The following KMT5C variants were observed in gnomAD, a reference collection of about 807,000 sequenced individuals.
The protein encoded by KMT5C is lysine methyltransferase 5C.
Under a neutral mutation model 38.2 loss-of-function variants are expected in KMT5C, and 16 were observed. The observed-to-expected ratio is 0.42, with a 90% CI of 0.28 to 0.64. The LOEUF is 0.64. Ranked by LOEUF, KMT5C falls within the 30% of genes least tolerant of loss-of-function variation. The pLI, the probability that KMT5C is intolerant of heterozygous loss-of-function variation, is 0.23. For synonymous variants in KMT5C, 291 were observed against 279.0 expected (o/e 1.04, Z -0.43); for missense variants, 598 against 665.1 (o/e 0.90, Z 1.11).
intron 8 of KMT5C, 79 bp from the exon 9 acceptor site, chr19:55,346,877 C>T: frequency 2.7e-6 from 2 of 737,098 alleles, no homozygotes; most frequent in South Asian, 3.2e-5. Context: ...GCCTCCTTGT[C>T]CAGAGGAGGA....
Position 55,347,866 on chromosome 19 carries a change from G to A in KMT5C, c.*417G>A, listed in dbSNP as rs765196215. On this transcript the variant is annotated 3_prime_UTR_variant, in exon 9 of 9. Transcript: ENST00000255613. This position sits in a 1 kb window ranked among gnomAD's most constrained non-coding sequence, Gnocchi z 4.6. ...GGCACTCCCCAGAGACTGCCCTCACGAGGGGACTGGGTTCGCTCTCAGCTC... is the reference window on the plus strand; with the variant it reads ...GGCACTCCCCAGAGACTGCCCTCACAAGGGGACTGGGTTCGCTCTCAGCTC... 3 of 174,890 alleles carry A rather than the reference G, an allele frequency of 1.7e-5. No individual in the cohort carries two copies. The highest frequency in any genetic ancestry group is 3.6e-5 in the Non-Finnish European group (3 of 83,758). 10.8% of individuals were successfully genotyped at this position (174,890 alleles called of 1,614,324 possible). A position where few individuals can be genotyped will look rare whatever the true frequency, so the allele number is the denominator to read the frequency against.
Position 55,343,937 on chromosome 19 carries a change from T to G in KMT5C, c.551-41T>G. ...GGGTTCTGCGACTGAGCTGCCGAGC[T>G]CATCTACCTCTCTTCTCTCTCCTGC... On this transcript the variant is annotated intron_variant, in intron 5 of 8. Transcript: ENST00000255613. The surrounding 1 kb of genome is among the most constrained non-coding windows in gnomAD (Gnocchi z 5.5). 1 of 1,609,046 alleles carries G rather than the reference T, an allele frequency of 6.2e-7. No homozygotes were observed.
At chr19:55,342,089 C>A (rs1367274071) in intron 2 of KMT5C, 43 bp downstream of exon 2, 2 of 1,576,636 alleles carry the variant, frequency 1.3e-6, no homozygotes, top group Admixed American at 3.3e-5. Flanking sequence ...GGGGTCAGGA[C>A]CCCTCCCCTT....
chr19:55,340,757 G>A (rs544240302), intron 1 of KMT5C, among the ~76,000 whole-genome samples: 5 of 149,510 alleles, frequency 3.3e-5, no homozygotes, highest in Non-Finnish European at 7.4e-5. Context: ...GCCATTCCCC[G>A]CTCTCTGTCC....
At chr19:55,345,197 G>T in intron 6 of KMT5C, 1 of 389,328 alleles carries the variant, frequency 2.6e-6, no homozygotes, top group East Asian at 7.2e-5. Context: ...CGACGGAGGA[G>T]TAGAATTTCC....
At chr19:55,341,055 G>C (rs1011334365) in intron 1 of KMT5C, among the ~76,000 whole-genome samples, 9 of 152,254 alleles carry the variant, frequency 5.9e-5, no homozygotes, top group Non-Finnish European at 2.9e-5. Flanking sequence ...AGCCTCGAGC[G>C]CCGTGGTGCG....
At chr19:55,342,894 G>T (rs751190425) in intron 4 of KMT5C, 43 bp downstream of exon 4, 5 of 1,200,020 alleles carry the variant, frequency 4.2e-6, no homozygotes, top group South Asian at 1.2e-5. Context: ...GGAGGAGACA[G>T]AGCTCAGAGG....
chr19:55,346,127 G>A lies in KMT5C; in HGVS notation c.571-86G>A, dbSNP rs576103501. On this transcript the variant is annotated intron_variant, in intron 6 of 8. Transcript: ENST00000255613. ...GCCCCATTCCAGGAGAGGACGCTCC[G>A]GGCCAGGGTGCCCGGCCAGGTGTGG... 8.4e-5 allele frequency: 130 copies of A among 1,545,138 alleles called. No homozygotes were observed. In the East Asian group the frequency reaches 9.2e-4, roughly 11 times the overall value.
At position 55,347,729 on chromosome 19, in the gene KMT5C, C is replaced by T; in HGVS notation, c.*280C>T. 2 of 462,722 alleles carry T rather than the reference C, an allele frequency of 4.3e-6. No homozygotes were observed. Among genetic ancestry groups the T allele is most frequent in the Non-Finnish European group, 7.5e-6 (2 of 266,952 alleles). 28.7% of individuals were successfully genotyped at this position (462,722 alleles called of 1,614,324 possible). ...CCTCAGGACTGCAGGAGCCATCCGC[C>T]CCCCTCAGCCCCTTCCTCCCCAGGG... On this transcript the variant is annotated 3_prime_UTR_variant, in exon 9 of 9. Coordinates refer to ENST00000255613, the MANE Select transcript of KMT5C (RefSeq NM_032701.4). This position sits in a 1 kb window ranked among gnomAD's most constrained non-coding sequence, Gnocchi z 4.6.
chr19:55,344,742 C>T (rs369979099), intron 6 of KMT5C: 62 of 527,080 alleles, frequency 1.2e-4, no homozygotes, highest in Middle Eastern at 3.2e-4. Flanking sequence ...CAGGAGAGGC[C>T]GCTGGTTGTC....
chr19:55,346,672 C>A lies in KMT5C; in HGVS notation c.880C>A (p.Arg294=). The A allele has an allele frequency of 6.4e-7, 1 of 1,568,170 alleles. No individual in the cohort carries two copies. Among genetic ancestry groups the A allele is most frequent in the East Asian group, 2.3e-5 (1 of 42,878 alleles). The change falls in exon 8 of 9, where the codon CGG becomes AGG. Residue 294 remains arginine, a synonymous_variant. Transcript: ENST00000255613. ...CTGCGTGCACCCATCCCCGCTGCGC[C>A]GGGACCCATTCTGCGGTGAGCACCC... The part of the protein sequence containing the change: ...RACVHPSPLR[R]DPFCAACQPL...
At position 55,347,115 on chromosome 19, in the gene KMT5C, CCCGCGTCTCCCTGCA is replaced by C; in HGVS notation, c.1059_1073del (p.Val354_Arg358del). 2.6e-6 allele frequency: 4 copies of C among 1,549,718 alleles called. No individual in the cohort carries two copies. The highest frequency in any genetic ancestry group is 3.5e-6 in the Non-Finnish European group (4 of 1,154,954). On this transcript the variant is annotated inframe_deletion, in exon 9 of 9. Coordinates refer to ENST00000255613, the MANE Select transcript of KMT5C (RefSeq NM_032701.4). This position sits in a 1 kb window ranked among gnomAD's most constrained non-coding sequence, Gnocchi z 4.6. ...CCAGTGCTCTCCACCCACCACGCTG[CCCGCGTCTCCCTGCA>C]CCGATGGGGAGGCTGTGGCCCCCAC...
rs769188475 is a variant in KMT5C at position 55,343,961 on chromosome 19, G to C, written c.551-17G>C. ...CTCATCTACCTCTCTTCTCTCTCCTGCCCCAACTGGCTCCAGACTGCAAAC... is the reference window on the plus strand; with the variant it reads ...CTCATCTACCTCTCTTCTCTCTCCTCCCCCAACTGGCTCCAGACTGCAAAC... On this transcript the variant is annotated splice_polypyrimidine_tract_variant and intron_variant, in intron 5 of 8. Coordinates refer to ENST00000255613, the MANE Select transcript of KMT5C (RefSeq NM_032701.4). This position sits in a 1 kb window ranked among gnomAD's most constrained non-coding sequence, Gnocchi z 5.5. The C allele has an allele frequency of 6.2e-7, 1 of 1,612,430 alleles. No individual in the cohort carries two copies. Among genetic ancestry groups the C allele is most frequent in the Non-Finnish European group, 8.5e-7 (1 of 1,178,694 alleles).
chr19:55,341,931 G>A lies in KMT5C; in HGVS notation c.-6G>A. On this transcript the variant is annotated 5_prime_UTR_variant, in exon 2 of 9. Coordinates refer to ENST00000255613, the MANE Select transcript of KMT5C (RefSeq NM_032701.4). Reference sequence around the variant, plus strand: ...CTGCCAGAGGCAGCATGGTCCGCAGGGCACCATGGGGCCCGACAGAGTGAC... The same window carrying A: ...CTGCCAGAGGCAGCATGGTCCGCAGAGCACCATGGGGCCCGACAGAGTGAC... 2 of 1,610,066 alleles carry A rather than the reference G, an allele frequency of 1.2e-6. No individual in the cohort carries two copies. Among genetic ancestry groups the A allele is most frequent in the Non-Finnish European group, 1.7e-6 (2 of 1,176,866 alleles).
rs2089569865 is a variant in KMT5C, at chr19:55,342,394, C to A, written c.276+14C>A. The stretch of plus-strand genomic sequence containing the variant: ...CTCAAGACCCACGTGAGGGCGCCCT[C>A]CCCTCCCCCGCCCTCACCGCGTGTC... On this transcript the variant is annotated intron_variant, in intron 3 of 8. Coordinates refer to ENST00000255613, the MANE Select transcript of KMT5C (RefSeq NM_032701.4). The A allele has an allele frequency of 6.8e-7, 1 of 1,476,886 alleles. No individual in the cohort carries two copies. The highest frequency in any genetic ancestry group is 2.5e-5 in the East Asian group (1 of 40,430). The allele number at this position is 1,476,886 out of a possible 1,614,324, so 91.5% of individuals were successfully genotyped here.
intron 6 of KMT5C, chr19:55,344,523 A>T: frequency 2.7e-6 from 1 of 369,320 alleles, no homozygotes. Context: ...GTTGCACTGG[A>T]ACCCTGGTTG....
At chr19:55,342,414 C>A in intron 3 of KMT5C, 34 bp downstream of exon 3, 1 of 1,419,208 alleles carries the variant, frequency 7.0e-7, no homozygotes. Context: ...GCCCTCACCG[C>A]GTGTCCTCCC....
chr19:55,344,222 C>T lies in KMT5C; in HGVS notation c.570+225C>T, dbSNP rs144152601. On this transcript the variant is annotated intron_variant, in intron 6 of 8. Transcript: ENST00000255613. ...CTAAAAACACAAAAAATTAGTCGGG[C>T]GTGGTGGCGGGCGCCTGTAGTCTCA... is the stretch of plus-strand genomic sequence containing the variant. 3,494 of 425,288 alleles carry T rather than the reference C, an allele frequency of 8.2e-3. 19 individuals carry two copies. Among genetic ancestry groups the T allele is most frequent in the Non-Finnish European group, 0.012 (2,661 of 231,256 alleles). The allele number at this position is 425,288 out of a possible 1,614,324, so 26.3% of individuals were successfully genotyped here.
chr19:55,342,198 C>T lies in KMT5C; in HGVS notation c.111-17C>T. Reference sequence around the variant, plus strand: ...GCCCGGGAAGGCCCTGGGACCCAGGCATGCCCTCTCCCCCAGCCCTGTGCC... The same window carrying T: ...GCCCGGGAAGGCCCTGGGACCCAGGTATGCCCTCTCCCCCAGCCCTGTGCC... On this transcript the variant is annotated splice_polypyrimidine_tract_variant and intron_variant, in intron 2 of 8. Coordinates refer to ENST00000255613, the MANE Select transcript of KMT5C (RefSeq NM_032701.4). 6.2e-7 allele frequency: 1 copy of T among 1,606,262 alleles called. No individual in the cohort carries two copies. The highest frequency in any genetic ancestry group is 8.5e-7 in the Non-Finnish European group (1 of 1,177,058).
Sources: gnomAD v4.1 joint callset for allele counts (sites outside exome capture counted in the v4.1 genomes callset) on GRCh38, gnomAD v4.1.1 for gene constraint, Gnocchi (gnomAD v3.1) non-coding constraint, MANE v1.5 for transcripts, NCBI Gene and HGNC (gene_info 2026-07-23, HGNC 2026-07-21) for gene names.